Variants in C12orf54 observed in about 807,000 individuals in gnomAD.
C12orf54 encodes the protein chromosome 12 open reading frame 54.
C12orf54 carries 24 observed loss-of-function variants against 26.4 expected under a neutral mutation model. The ratio of observed to expected loss-of-function variants is 0.91; its 90% confidence interval spans 0.66 to 1.28. The LOEUF is 1.28. Among genes scored for constraint, C12orf54 ranks in the 50% most tolerant of loss-of-function variants. The pLI is 0.00. For synonymous variants in C12orf54, 54 were observed against 47.0 expected, an observed-to-expected ratio of 1.15 and a Z score of -0.61; for missense variants, 154 against 150.9, an observed-to-expected ratio of 1.02 and a Z score of -0.11.
the C12orf54 span, among the ~76,000 whole-genome samples, chr12:48,415,227 CA>C: frequency 2.0e-5 from 3 of 149,878 alleles, no homozygotes; most frequent in Admixed American, 2.0e-4. Context: ...AAACAAAACC[CA>C]AAACAAAACC....
the C12orf54 span, among the ~76,000 whole-genome samples, chr12:48,460,946 A>T: frequency 6.6e-6 from 1 of 152,084 alleles, no homozygotes; most frequent in African/African-American, 2.4e-5. Flanking sequence ...TCAACTAAAT[A>T]TCTCAATTAG....
intron 4 of C12orf54, chr12:48,488,118 A>G: frequency 1.2e-6 from 1 of 813,220 alleles, no homozygotes; most frequent in Non-Finnish European, 2.2e-6. Flanking sequence ...AGGCTGCATG[A>G]AGGAACAGTT....
At chr12:48,452,550 A>C in the C12orf54 span, among the ~76,000 whole-genome samples, 8 of 148,632 alleles carry the variant, frequency 5.4e-5, no homozygotes, top group Non-Finnish European at 9.2e-5. Flanking sequence ...AAAAACTATC[A>C]ACAGAGTAAA....
the C12orf54 span, among the ~76,000 whole-genome samples, chr12:48,458,749 A>G: frequency 6.6e-6 from 1 of 151,030 alleles, no homozygotes; most frequent in African/African-American, 2.4e-5. Flanking sequence ...TTTTTTTTAA[A>G]CCAAACCTCA....
chr12:48,469,991 A>G, the C12orf54 span, among the ~76,000 whole-genome samples: 1 of 152,172 alleles, frequency 6.6e-6, no homozygotes, highest in African/African-American at 2.4e-5. Flanking sequence ...TATGGCCTCC[A>G]TCTCCAACCA....
the C12orf54 span, among the ~76,000 whole-genome samples, chr12:48,467,596 A>C: frequency 6.6e-6 from 1 of 152,144 alleles, no homozygotes; most frequent in Non-Finnish European, 1.5e-5. Context: ...ACATTCTATT[A>C]ATAGAATAAG....
At chr12:48,449,888 CA>C in the C12orf54 span, among the ~76,000 whole-genome samples, 169 of 152,110 alleles carry the variant, frequency 1.1e-3, no homozygotes, top group African/African-American at 3.6e-3. Context: ...GGGAGGGACC[CA>C]GGGGGAGGTA....
the C12orf54 span, chr12:48,472,828 C>T: frequency 1.1e-5 from 17 of 1,614,116 alleles, no homozygotes; most frequent in Admixed American, 2.2e-4. Context: ...ATAGGCCTCA[C>T]CTCAATTGCA....
the C12orf54 span, among the ~76,000 whole-genome samples, chr12:48,441,772 T>C: frequency 2.6e-5 from 4 of 152,250 alleles, no homozygotes; most frequent in African/African-American, 9.6e-5. Flanking sequence ...TCCATCTTCT[T>C]CTGACTAGGA....
At chr12:48,419,256 G>A in the C12orf54 span, among the ~76,000 whole-genome samples, 1 of 152,140 alleles carries the variant, frequency 6.6e-6, no homozygotes, top group Non-Finnish European at 1.5e-5. Flanking sequence ...TGGCCTTGAA[G>A]ACATAGTTGG....
chr12:48,417,470 C>A, the C12orf54 span: 1 of 152,132 alleles, frequency 6.6e-6, no homozygotes, highest in Non-Finnish European at 1.5e-5. Context: ...AAATTCTGAA[C>A]CATCTTCACT....
At chr12:48,447,212 C>CTGTGTGTA in the C12orf54 span, among the ~76,000 whole-genome samples, 18,651 of 90,834 alleles carry the variant, frequency 0.21, 1,614 homozygotes, top group East Asian at 0.38. Context: ...CTCTCTTACT[C>CTGTGTGTA]TGTGTGTGTG....
At chr12:48,436,852 A>C in the C12orf54 span, among the ~76,000 whole-genome samples, 1 of 152,212 alleles carries the variant, frequency 6.6e-6, no homozygotes, top group Non-Finnish European at 1.5e-5. Context: ...AGAACTAGAG[A>C]AGCAAGAGCA....
the C12orf54 span, among the ~76,000 whole-genome samples, chr12:48,471,176 A>T: frequency 6.6e-6 from 1 of 152,020 alleles, no homozygotes; most frequent in Non-Finnish European, 1.5e-5. Context: ...TAGATCCCAC[A>T]AATAAGTGAG....
chr12:48,447,020 T>C, the C12orf54 span, among the ~76,000 whole-genome samples: 1 of 152,222 alleles, frequency 6.6e-6, no homozygotes, highest in Non-Finnish European at 1.5e-5. Context: ...GCAAGTCTTT[T>C]AGTGATATAT....
At chr12:48,414,843 G>T in the C12orf54 span, among the ~76,000 whole-genome samples, 1 of 152,156 alleles carries the variant, frequency 6.6e-6, no homozygotes, top group Non-Finnish European at 1.5e-5. Context: ...GACCAGCGTG[G>T]GGCCTCCTCA....
the C12orf54 span, among the ~76,000 whole-genome samples, chr12:48,476,191 A>C: frequency 6.6e-6 from 1 of 152,186 alleles, no homozygotes; most frequent in African/African-American, 2.4e-5. Context: ...AGACAAGCAA[A>C]TGCTGAGAGA....
the C12orf54 span, among the ~76,000 whole-genome samples, chr12:48,417,915 C>G: frequency 6.6e-6 from 1 of 152,140 alleles, no homozygotes; most frequent in Non-Finnish European, 1.5e-5. Context: ...AACATGATCT[C>G]ATTATTTTTT....
the C12orf54 span, among the ~76,000 whole-genome samples, chr12:48,449,822 A>G: frequency 1.3e-5 from 2 of 150,554 alleles, no homozygotes; most frequent in Non-Finnish European, 2.9e-5. Context: ...AATCTCAACT[A>G]TGTCCCCACC....
Sources: gnomAD v4.1 joint callset for allele counts (sites outside exome capture counted in the v4.1 genomes callset) on GRCh38, gnomAD v4.1.1 for gene constraint, MANE v1.5 for transcripts, NCBI Gene and HGNC (gene_info 2026-07-23, HGNC 2026-07-21) for gene names.